Variants in NUP85 observed in about 807,000 individuals in gnomAD.
NUP85 encodes nuclear pore complex protein Nup85.
A neutral mutation model predicts 92.8 loss-of-function variants in NUP85; 23 were observed. The observed-to-expected ratio is 0.25, with a 90% CI of 0.18 to 0.35. The LOEUF (loss-of-function observed/expected upper bound fraction) is 0.35, where lower values mean the gene tolerates loss of function less well. Among genes scored for constraint, NUP85 ranks in the 10% least tolerant of loss-of-function variants. The probability of loss-of-function intolerance (pLI) is 1.00; values close to 1 mark genes in which losing one functional copy is unlikely to be tolerated. For missense variants in NUP85, 759 were observed against 822.8 expected (o/e 0.92, Z 0.95); for synonymous variants, 314 against 306.9 (o/e 1.02, Z -0.24).
At position 75,226,452 on chromosome 17, in the gene NUP85, G is replaced by A. The variant is rs533765723; in HGVS notation, c.1094+295G>A. ...CTTGAACACTGTGTTCTCATGTGGTGGAAGGGCAAGAAGGACAAACTCCCT... is the reference window on the plus strand; with the variant it reads ...CTTGAACACTGTGTTCTCATGTGGTAGAAGGGCAAGAAGGACAAACTCCCT... On this transcript the variant is annotated intron_variant, in intron 11 of 18. Transcript: ENST00000245544. 2.0e-5 allele frequency among the ~76,000 whole-genome samples: 3 copies of A among 152,254 alleles called. No homozygotes were observed. In the South Asian group the frequency reaches 6.2e-4, roughly 32 times the overall value.
intron 7 of NUP85, among the ~76,000 whole-genome samples, chr17:75,220,272 G>A (rs1222015927): frequency 8.8e-5 from 10 of 113,198 alleles, no homozygotes. Flanking sequence ...CTACAGGCGC[G>A]CGTCACCATG....
chr17:75,234,887 TC>T (rs2076268368), intron 17 of NUP85, 99 bp downstream of exon 17: 1 of 1,455,176 alleles, frequency 6.9e-7, no homozygotes, highest in African/African-American at 1.4e-5. Flanking sequence ...CCTTTGTCGT[TC>T]TGCCTGTGCG....
At chr17:75,228,598 G>A (rs2075915362) in intron 11 of NUP85, 4 of 985,340 alleles carry the variant, frequency 4.1e-6, no homozygotes, top group African/African-American at 1.7e-5. Flanking sequence ...CTCATGGGAT[G>A]TATCAGTCAG....
In NUP85 at chr17:75,213,069, T is replaced by C. The variant is rs2075321687; in HGVS notation, c.362-7T>C. 1 of 1,612,206 alleles carries C rather than the reference T, an allele frequency of 6.2e-7. No homozygotes were observed. The highest frequency in any genetic ancestry group is 8.5e-7 in the Non-Finnish European group (1 of 1,179,142). The stretch of plus-strand genomic sequence containing the variant: ...TTGCTCACTTAAAATGTTTTGTGTT[T>C]TGTTAGTTGCTGCTAAAGATCCAGC... On this transcript the variant is annotated splice_polypyrimidine_tract_variant and splice_region_variant and intron_variant, in intron 4 of 18. Coordinates refer to ENST00000245544, the MANE Select transcript of NUP85 (RefSeq NM_024844.5).
intron 14 of NUP85, among the ~76,000 whole-genome samples, chr17:75,232,357 A>G (rs1016569934): frequency 6.6e-6 from 1 of 152,138 alleles, no homozygotes; most frequent in Non-Finnish European, 1.5e-5. Flanking sequence ...AAGCAGAGAG[A>G]GTGGAATGAG....
chr17:75,207,179 G>C (rs1241904405), intron 1 of NUP85, among the ~76,000 whole-genome samples: 3 of 151,230 alleles, frequency 2.0e-5, no homozygotes, highest in African/African-American at 7.3e-5. Context: ...GGAGATATGT[G>C]GCCTTCTTTT....
At chr17:75,218,588 G>GTTTTT (rs67761124) in intron 7 of NUP85, among the ~76,000 whole-genome samples, 51,984 of 82,784 alleles carry the variant, frequency 0.63, 19,823 homozygotes, top group East Asian at 0.77. Flanking sequence ...ATACAAAACC[G>GTTTTT]TTTTTTTTTT....
intron 7 of NUP85, among the ~76,000 whole-genome samples, chr17:75,221,849 G>A (rs928718291): frequency 2.0e-5 from 3 of 152,140 alleles, no homozygotes; most frequent in African/African-American, 7.2e-5. Flanking sequence ...GGATTCTGCT[G>A]TACTAAGCCA....
intron 7 of NUP85, among the ~76,000 whole-genome samples, chr17:75,221,961 T>G (rs947932784): frequency 6.6e-6 from 1 of 152,170 alleles, no homozygotes; most frequent in Non-Finnish European, 1.5e-5. Flanking sequence ...TAGAAGAATG[T>G]GGGAGGATAA....
intron 11 of NUP85, among the ~76,000 whole-genome samples, chr17:75,227,154 ATCAGGTG>A (rs1397668323): frequency 2.0e-5 from 3 of 152,072 alleles, no homozygotes; most frequent in Non-Finnish European, 4.4e-5. Flanking sequence ...GATGGCCTTG[ATCAGGTG>A]TCAGATTCAC....
chr17:75,215,151 G>A (rs965346004), intron 5 of NUP85, among the ~76,000 whole-genome samples: 2 of 152,206 alleles, frequency 1.3e-5, no homozygotes, highest in African/African-American at 4.8e-5. Flanking sequence ...AGCTTGGGCA[G>A]CAAGAGCCAA....
At chr17:75,208,388 C>T (rs527616642) in intron 1 of NUP85, 139 bp from the exon 2 acceptor site, 1 of 644,400 alleles carries the variant, frequency 1.6e-6, no homozygotes, top group African/African-American at 2.1e-5. Flanking sequence ...GCGATTGGAG[C>T]AAGCTGAGAT....
intron 11 of NUP85, among the ~76,000 whole-genome samples, chr17:75,227,680 C>T (rs528524174): frequency 1.8e-4 from 27 of 151,736 alleles, no homozygotes; most frequent in Non-Finnish European, 2.5e-4. Flanking sequence ...CTTTGTCACC[C>T]GGGCTGGAGT....
At chr17:75,235,048 C>T (rs944926284) in intron 17 of NUP85, 52 bp from the exon 18 acceptor site, 23 of 1,455,518 alleles carry the variant, frequency 1.6e-5, no homozygotes, top group Non-Finnish European at 2.2e-5. Context: ...CTGCCCCAAC[C>T]AATGCAGGCC....
chr17:75,220,041 A>G (rs1371978761), intron 7 of NUP85, among the ~76,000 whole-genome samples: 1 of 152,136 alleles, frequency 6.6e-6, no homozygotes, highest in African/African-American at 2.4e-5. Context: ...TGCAGCCTAC[A>G]TAGCAGGGTG....
At chr17:75,235,531 G>T in intron 18 of NUP85, 47 bp from the exon 19 acceptor site, 1 of 1,402,202 alleles carries the variant, frequency 7.1e-7, no homozygotes, top group South Asian at 1.2e-5. Context: ...GAGTGTGAAA[G>T]GGCTCCTTCC....
intron 16 of NUP85, among the ~76,000 whole-genome samples, chr17:75,234,355 GCCTAGTCAAT>G (rs1195086165): frequency 6.6e-6 from 1 of 152,296 alleles, no homozygotes; most frequent in East Asian, 1.9e-4. Context: ...ACCACGCCTG[GCCTAGTCAAT>G]CTCTTTTAAT....
At chr17:75,221,046 T>A (rs1016595868) in intron 7 of NUP85, among the ~76,000 whole-genome samples, 6 of 152,030 alleles carry the variant, frequency 3.9e-5, no homozygotes, top group Admixed American at 1.3e-4. Context: ...CACGCCTGGC[T>A]AATTTTTTAA....
rs1488280249 is a variant in NUP85 at position 75,235,392 on chromosome 17, A to G, written c.1870-186A>G. 3 of 615,066 alleles carry G rather than the reference A, an allele frequency of 4.9e-6. No individual in the cohort carries two copies. The African/African-American group carries it at 5.5e-5, about 11-fold the overall frequency. The allele number at this position is 615,066 out of a possible 1,614,324, so 38.1% of individuals were successfully genotyped here. On this transcript the variant is annotated intron_variant, in intron 18 of 18. Coordinates refer to ENST00000245544, the MANE Select transcript of NUP85 (RefSeq NM_024844.5). ...GGGATTCTAGTGTTCTCATCTCTAC[A>G]TTTTGTTCTTTGCTGTTCATCATTT...
Sources: allele counts gnomAD v4.1 joint callset (sites outside exome capture counted in the v4.1 genomes callset), GRCh38; gene constraint gnomAD v4.1.1; transcripts MANE v1.5; gene names NCBI Gene and HGNC (gene_info 2026-07-23, HGNC 2026-07-21).